Variants in SPATA6 observed in about 807,000 individuals in gnomAD.
SPATA6 encodes the protein spermatogenesis associated 6.
In SPATA6, 56 loss-of-function variants were observed where a neutral mutation model predicts 65.3. The observed-to-expected ratio is 0.86, with a 90% CI of 0.69 to 1.07. The LOEUF (loss-of-function observed/expected upper bound fraction) is 1.07, where lower values mean the gene tolerates loss of function less well. Among genes scored for constraint, SPATA6 ranks in the 50% least tolerant of loss-of-function variants. The pLI is 0.00. For synonymous variants in SPATA6, 199 were observed against 213.2 expected (o/e 0.93, Z 0.58); for missense variants, 590 against 594.8 (o/e 0.99, Z 0.08).
At chr1:48,432,028 T>G (rs1019618109) in intron 3 of SPATA6, among the ~76,000 whole-genome samples, 3 of 152,114 alleles carry the variant, frequency 2.0e-5, no homozygotes, top group Admixed American at 1.3e-4. Context: ...GAGAATGGCT[T>G]AAGCCTGGGA....
chr1:48,341,265 T>G (rs1423739047), intron 11 of SPATA6, among the ~76,000 whole-genome samples: 1 of 152,200 alleles, frequency 6.6e-6, no homozygotes. Flanking sequence ...TAATCATCAG[T>G]TCCACTTCCC....
intron 11 of SPATA6, among the ~76,000 whole-genome samples, chr1:48,336,662 G>GA (rs919366353): frequency 1.0e-4 from 15 of 146,338 alleles, no homozygotes; most frequent in Admixed American, 2.0e-4. Context: ...AGAAGTTCAA[G>GA]AAAAAAAAAA....
Position 48,395,363 on chromosome 1 carries a change from A to G in SPATA6, c.781-9T>C, listed in dbSNP as rs1404962881. ...GGACTTGGGGGATCAACCTAGAGGA[A>G]GCAGGATTTTTATGTAAAAGAGAGT... On this transcript the variant is annotated splice_polypyrimidine_tract_variant and intron_variant, in intron 7 of 12. Coordinates refer to ENST00000371847, the MANE Select transcript of SPATA6 (RefSeq NM_019073.4). The G allele has an allele frequency of 6.5e-7, 1 of 1,527,018 alleles. No homozygotes were observed. The highest frequency in any genetic ancestry group is 2.4e-5 in the East Asian group (1 of 41,544). 94.6% of individuals were successfully genotyped at this position (1,527,018 alleles called of 1,614,324 possible).
chr1:48,366,118 C>G (rs1376735587), intron 9 of SPATA6, among the ~76,000 whole-genome samples: 1 of 152,160 alleles, frequency 6.6e-6, no homozygotes, highest in East Asian at 1.9e-4. Context: ...GTATGTTGAA[C>G]CAGCCTTGCA....
chr1:48,354,953 T>C (rs1646615764), intron 11 of SPATA6, among the ~76,000 whole-genome samples: 3 of 152,140 alleles, frequency 2.0e-5, no homozygotes, highest in Non-Finnish European at 4.4e-5. Context: ...AAAAACAGCA[T>C]GTATATAGAA....
rs568891559 is a variant in SPATA6, at chr1:48,303,313, C to T, written c.1286+2474G>A. 2.6e-5 allele frequency among the ~76,000 whole-genome samples: 4 copies of T among 152,184 alleles called. No homozygotes were observed. In the South Asian group the frequency reaches 8.3e-4, roughly 32 times the overall value. On this transcript the variant is annotated intron_variant, in intron 12 of 12. Transcript: ENST00000371847. ...TTTCTTCTAGCTATTGTGAAATATA[C>T]AACAAATTTTTGTTAACTATGGTCA...
At chr1:48,422,889 A>G (rs1043455683) in intron 3 of SPATA6, among the ~76,000 whole-genome samples, 5 of 152,168 alleles carry the variant, frequency 3.3e-5, no homozygotes, top group African/African-American at 7.2e-5. Flanking sequence ...CTCTTTACCA[A>G]AAGATATTTA....
At chr1:48,428,869 ACGTG>A (rs1421771999) in intron 3 of SPATA6, among the ~76,000 whole-genome samples, 3 of 105,288 alleles carry the variant, frequency 2.8e-5, no homozygotes, top group Non-Finnish European at 4.4e-5. Context: ...ATATATATAC[ACGTG>A]TGTGTGTGTG....
chr1:48,433,458 A>T lies in SPATA6; in HGVS notation c.238+18094T>A, dbSNP rs7519539. On this transcript the variant is annotated intron_variant, in intron 3 of 12. Coordinates refer to ENST00000371847, the MANE Select transcript of SPATA6 (RefSeq NM_019073.4). ...TTATTTTGTAACTGTCTACTATCTT[A>T]TAGCTAAAAATAATTTTCCTTCTTC... is the stretch of plus-strand genomic sequence containing the variant. 2.2e-3 allele frequency among the ~76,000 whole-genome samples: 330 copies of T among 152,282 alleles called. 3 individuals are homozygous for T. Among genetic ancestry groups the T allele is most frequent in the African/African-American group, 7.6e-3 (317 of 41,568 alleles).
intron 11 of SPATA6, among the ~76,000 whole-genome samples, chr1:48,352,903 CA>C (rs35929341): frequency 0.18 from 24,609 of 133,228 alleles, 2,039 homozygotes; most frequent in African/African-American, 0.26. Flanking sequence ...CTTTTAAATA[CA>C]AAAAAAAAAA....
chr1:48,299,351 T>TA (rs1432575585), intron 12 of SPATA6, among the ~76,000 whole-genome samples: 1 of 150,722 alleles, frequency 6.6e-6, no homozygotes, highest in African/African-American at 2.4e-5. Context: ...CCATATCTAC[T>TA]AAAAAATACA....
intron 11 of SPATA6, among the ~76,000 whole-genome samples, chr1:48,311,903 G>A (rs146217979): frequency 5.9e-5 from 9 of 152,332 alleles, no homozygotes; most frequent in Non-Finnish European, 7.3e-5. Context: ...CTTAGCAAAC[G>A]GCACACCAGG....
intron 11 of SPATA6, among the ~76,000 whole-genome samples, chr1:48,319,411 T>C (rs1645534241): frequency 6.6e-6 from 1 of 152,070 alleles, no homozygotes; most frequent in Non-Finnish European, 1.5e-5. Flanking sequence ...CAAAATCCAG[T>C]AATAAGGCAG....
At chr1:48,427,932 C>A (rs1031088181) in intron 3 of SPATA6, among the ~76,000 whole-genome samples, 2 of 152,136 alleles carry the variant, frequency 1.3e-5, no homozygotes, top group African/African-American at 4.8e-5. Context: ...ATCTTTGTGT[C>A]CATGTATACC....
chr1:48,442,369 T>C (rs1371673491), intron 3 of SPATA6, among the ~76,000 whole-genome samples: 2 of 152,090 alleles, frequency 1.3e-5, no homozygotes, highest in African/African-American at 2.4e-5. Context: ...GGAACCACCA[T>C]TAAATACCAC....
intron 11 of SPATA6, among the ~76,000 whole-genome samples, chr1:48,343,490 T>C (rs1646275965): frequency 6.6e-6 from 1 of 152,158 alleles, no homozygotes; most frequent in Non-Finnish European, 1.5e-5. Flanking sequence ...GAAAATTCAA[T>C]ACTTTTGTAA....
At chr1:48,401,114 C>A (rs558017109) in intron 6 of SPATA6, among the ~76,000 whole-genome samples, 1 of 152,128 alleles carries the variant, frequency 6.6e-6, no homozygotes, top group East Asian at 1.9e-4. Flanking sequence ...CTGACCAAAA[C>A]CTCTTTTCCT....
intron 6 of SPATA6, among the ~76,000 whole-genome samples, chr1:48,403,075 C>A (rs187100834): frequency 0.066 from 10,018 of 152,028 alleles, 412 homozygotes; most frequent in Non-Finnish European, 0.092. Context: ...ACTAAGGGGA[C>A]TGATGCAGAA....
intron 9 of SPATA6, among the ~76,000 whole-genome samples, chr1:48,384,419 G>C (rs1649237077): frequency 1.0e-5 from 1 of 100,102 alleles, no homozygotes; most frequent in Non-Finnish European, 2.0e-5. Flanking sequence ...AGAGGGAGAG[G>C]GAGAGGGGTT....
Sources: allele counts gnomAD v4.1 joint callset (sites outside exome capture counted in the v4.1 genomes callset), GRCh38; gene constraint gnomAD v4.1.1; transcripts MANE v1.5; gene names NCBI Gene and HGNC (gene_info 2026-07-23, HGNC 2026-07-21).